SMPX: variants seen among roughly 807,000 people sequenced by gnomAD.
The protein encoded by SMPX is small muscular protein.
Under a neutral mutation model 6.3 loss-of-function variants are expected in SMPX, and 2 were observed. That is an observed-to-expected ratio of 0.32 (90% confidence interval 0.13 to 0.99). SMPX has a LOEUF of 0.99. Among genes scored for constraint, SMPX ranks in the 50% least tolerant of loss-of-function variants. SMPX has a pLI of 0.49. For missense variants in SMPX, 60 were observed against 66.8 expected, an observed-to-expected ratio of 0.90 and a Z score of 0.36; for synonymous variants, 32 against 24.7, an observed-to-expected ratio of 1.30 and a Z score of -0.88.
At chrX:21,719,688 G>A (rs769892067) in intron 4 of SMPX, among the ~76,000 whole-genome samples, 1 of 111,692 alleles carries the variant, frequency 9.0e-6, no homozygotes, top group African/African-American at 3.3e-5. Context: ...TTGCCTCCCT[G>A]TAGAGGTTCT....
At position 21,718,779 on chromosome X, in the gene SMPX, G is replaced by C. The variant is rs1224133043; in HGVS notation, c.*15-12385C>G. On this transcript the variant is annotated intron_variant, in intron 4 of 4. Transcript: ENST00000379494. ...GTAGCTTGTCAGAGGGCAGAGGAGT[G>C]GGCCCCATTAGACAAAATAGGTCAG... Among the ~76,000 whole-genome samples, 3 of 112,015 alleles carry C rather than the reference G, an allele frequency of 2.7e-5. No homozygotes were observed. In the Admixed American group the frequency reaches 2.8e-4, roughly 11 times the overall value.
chrX:21,710,294 G>A (rs1281685629), intron 4 of SMPX, among the ~76,000 whole-genome samples: 1 of 112,152 alleles, frequency 8.9e-6, no homozygotes, highest in Non-Finnish European at 1.9e-5. Context: ...TCTAAGTGAA[G>A]TAACACAGGA....
chrX:21,751,770 G>A (rs1320429553), intron 2 of SMPX, among the ~76,000 whole-genome samples: 2 of 112,024 alleles, frequency 1.8e-5, no homozygotes, highest in Non-Finnish European at 3.8e-5. Flanking sequence ...GTATGGAGTA[G>A]AACATTTCAG....
At chrX:21,725,162 G>T (rs1248281488) in intron 4 of SMPX, among the ~76,000 whole-genome samples, 1 of 111,664 alleles carries the variant, frequency 9.0e-6, no homozygotes, top group East Asian at 2.8e-4. Context: ...GATAGAGGGA[G>T]AAAACACCTC....
intron 4 of SMPX, among the ~76,000 whole-genome samples, chrX:21,724,561 T>C (rs768221408): frequency 1.8e-5 from 2 of 112,569 alleles, no homozygotes; most frequent in Non-Finnish European, 3.7e-5. Flanking sequence ...CTTCTGGGTA[T>C]AAGCAGAGCC....
intron 4 of SMPX, among the ~76,000 whole-genome samples, chrX:21,711,103 C>T (rs774336095): frequency 1.8e-5 from 2 of 111,963 alleles, no homozygotes; most frequent in African/African-American, 3.3e-5. Context: ...AGTCCCCAGA[C>T]GGCCAGAGTC....
chrX:21,756,823 T>A (rs775074162), intron 1 of SMPX, among the ~76,000 whole-genome samples: 8 of 112,792 alleles, frequency 7.1e-5, no homozygotes, highest in Middle Eastern at 4.6e-3. Context: ...CTACGTCTCC[T>A]GGTTCTGGCT....
chrX:21,743,350 C>CTGAGTTGGATAAAAGATCCCAAGT (rs1368784596), intron 3 of SMPX, among the ~76,000 whole-genome samples: 10 of 111,265 alleles, frequency 9.0e-5, no homozygotes, highest in Non-Finnish European at 1.9e-4. Context: ...TGAAAACTTA[C>CTGAGTTGGATAAAAGATCCCAAGT]CAATCTAGTG....
intron 2 of SMPX, among the ~76,000 whole-genome samples, chrX:21,749,577 A>C (rs1472055451): frequency 1.8e-5 from 2 of 111,840 alleles, no homozygotes; most frequent in Admixed American, 9.5e-5. Flanking sequence ...GTGCTTCCAA[A>C]CATGGGCTTG....
At chrX:21,747,543 C>T (rs754492621) in intron 2 of SMPX, among the ~76,000 whole-genome samples, 4 of 111,534 alleles carry the variant, frequency 3.6e-5, no homozygotes, top group South Asian at 3.8e-4. Context: ...TGCTTGGCTC[C>T]GGGCTTTGAG....
At chrX:21,738,111 A>C (rs1489962194) in intron 3 of SMPX, among the ~76,000 whole-genome samples, 1 of 112,659 alleles carries the variant, frequency 8.9e-6, no homozygotes, top group Non-Finnish European at 1.9e-5. Flanking sequence ...TGCATAAATA[A>C]ACTGAAACAA....
At chrX:21,715,838 T>C (rs1395730960) in intron 4 of SMPX, among the ~76,000 whole-genome samples, 1 of 111,554 alleles carries the variant, frequency 9.0e-6, no homozygotes, top group African/African-American at 3.3e-5. Context: ...AGGCCAGGGA[T>C]GCTGCTAACT....
At chrX:21,750,536 A>G (rs2092826357) in intron 2 of SMPX, among the ~76,000 whole-genome samples, 1 of 112,384 alleles carries the variant, frequency 8.9e-6, no homozygotes, top group African/African-American at 3.2e-5. Context: ...TCCTTTATAG[A>G]AAAGGTTTGC....
chrX:21,747,577 T>C (rs1439638130), intron 2 of SMPX, among the ~76,000 whole-genome samples: 1 of 111,607 alleles, frequency 9.0e-6, no homozygotes, highest in African/African-American at 3.3e-5. Flanking sequence ...GGAAACAATA[T>C]TTCCTCCACA....
At chrX:21,748,522 A>T (rs2092823911) in intron 2 of SMPX, among the ~76,000 whole-genome samples, 1 of 111,793 alleles carries the variant, frequency 8.9e-6, no homozygotes, top group Non-Finnish European at 1.9e-5. Context: ...AAAAAAAATG[A>T]CATCTTTTTG....
chrX:21,719,425 T>C (rs2092789061), intron 4 of SMPX, among the ~76,000 whole-genome samples: 1 of 109,251 alleles, frequency 9.2e-6, no homozygotes, highest in African/African-American at 3.3e-5. Flanking sequence ...GGCTGAGGCA[T>C]GAGACTCGCT....
intron 4 of SMPX, among the ~76,000 whole-genome samples, chrX:21,710,519 C>CA (rs771154499): frequency 1.8e-5 from 2 of 111,685 alleles, no homozygotes; most frequent in African/African-American, 3.3e-5. Flanking sequence ...ATCTGTGTTA[C>CA]AAAAAATCCA....
At chrX:21,749,007 A>C (rs1411794105) in intron 2 of SMPX, among the ~76,000 whole-genome samples, 1 of 111,903 alleles carries the variant, frequency 8.9e-6, no homozygotes, top group Admixed American at 9.5e-5. Flanking sequence ...TCTTCCGTGG[A>C]GACTGCTTTC....
intron 4 of SMPX, among the ~76,000 whole-genome samples, chrX:21,732,232 C>T (rs1037525260): frequency 9.0e-6 from 1 of 111,665 alleles, no homozygotes; most frequent in East Asian, 2.8e-4. Flanking sequence ...CTTATCTAGA[C>T]GTGGATGTTA....
Sources: gnomAD v4.1 joint callset for allele counts (sites outside exome capture counted in the v4.1 genomes callset) on GRCh38, gnomAD v4.1.1 for gene constraint, MANE v1.5 for transcripts, NCBI Gene and HGNC (gene_info 2026-07-23, HGNC 2026-07-21) for gene names.